The following ABCC1 variants were observed in gnomAD, a reference collection of about 807,000 sequenced individuals.
The protein encoded by ABCC1 is ATP binding cassette subfamily C member 1 (ABCC1 blood group), also known as multidrug resistance-associated protein 1.
A neutral mutation model predicts 172.9 loss-of-function variants in ABCC1; 83 were observed. That is an observed-to-expected ratio of 0.48 (90% CI 0.40 to 0.58). ABCC1 has a LOEUF of 0.58. ABCC1 is among the 20% of genes least tolerant of loss of function. The pLI is 0.00. For synonymous variants in ABCC1, 937 were observed against 825.2 expected, an observed-to-expected ratio of 1.14 and a Z score of -2.32; for missense variants, 1,817 against 2,002.7, an observed-to-expected ratio of 0.91 and a Z score of 1.77.
intron 5 of ABCC1, among the ~76,000 whole-genome samples, chr16:16,021,871 G>A (rs905282316): frequency 6.6e-6 from 1 of 152,184 alleles, no homozygotes; most frequent in Non-Finnish European, 1.5e-5. Context: ...CTTTGGGGAC[G>A]TCAGCAGCCC....
chr16:16,082,127 A>G (rs1002465954), intron 16 of ABCC1, among the ~76,000 whole-genome samples: 2 of 152,128 alleles, frequency 1.3e-5, no homozygotes, highest in African/African-American at 4.8e-5. Context: ...GTTCCCTCAC[A>G]GGATTGATCG....
chr16:16,129,516 C>T (rs1216051525), intron 26 of ABCC1, among the ~76,000 whole-genome samples: 5 of 148,500 alleles, frequency 3.4e-5, no homozygotes, highest in African/African-American at 9.9e-5. Flanking sequence ...TTGTTGTTGG[C>T]GGTGGTGGTG....
intron 21 of ABCC1, among the ~76,000 whole-genome samples, chr16:16,110,162 G>A (rs1057346532): frequency 2.5e-4 from 38 of 151,280 alleles, no homozygotes; most frequent in African/African-American, 9.2e-4. Context: ...CTGGTGTGCA[G>A]TAAGTTTGGC....
At chr16:16,047,865 T>C (rs2049278652) in intron 9 of ABCC1, among the ~76,000 whole-genome samples, 1 of 136,080 alleles carries the variant, frequency 7.3e-6, no homozygotes, top group Non-Finnish European at 1.6e-5. Flanking sequence ...GCCGCATGTG[T>C]GCACATTAAA....
At chr16:16,002,721 A>G (rs2047358989) in intron 1 of ABCC1, among the ~76,000 whole-genome samples, 2 of 150,860 alleles carry the variant, frequency 1.3e-5, no homozygotes, top group Admixed American at 1.3e-4. Context: ...GCAGTGAGCT[A>G]TGATTGCACC....
chr16:16,031,500 G>A (rs1296293209), intron 5 of ABCC1, among the ~76,000 whole-genome samples: 1 of 152,116 alleles, frequency 6.6e-6, no homozygotes, highest in East Asian at 1.9e-4. Context: ...GAATCTCTCA[G>A]TACTTCCCAT....
chr16:16,035,489 C>A (rs1334242574), intron 6 of ABCC1, among the ~76,000 whole-genome samples: 1 of 111,742 alleles, frequency 8.9e-6, no homozygotes, highest in African/African-American at 3.0e-5. Flanking sequence ...TTTCCTTCAG[C>A]CTATTTTTTT....
chr16:16,130,838 C>G (rs1349887622), intron 26 of ABCC1, among the ~76,000 whole-genome samples: 2 of 152,156 alleles, frequency 1.3e-5, no homozygotes, highest in African/African-American at 4.8e-5. Flanking sequence ...AGAACAATGT[C>G]TGTGGCGGGC....
intron 1 of ABCC1, among the ~76,000 whole-genome samples, chr16:15,973,848 G>A (rs1437309286): frequency 1.3e-5 from 2 of 151,882 alleles, no homozygotes. Context: ...AGCCCGGTAT[G>A]ATGGTGCATG....
intron 19 of ABCC1, among the ~76,000 whole-genome samples, chr16:16,096,905 G>T (rs1456075185): frequency 4.7e-5 from 4 of 84,824 alleles, no homozygotes; most frequent in African/African-American, 1.9e-4. Flanking sequence ...TACAAGTTTC[G>T]TGTGTTTGCT....
At chr16:15,984,979 T>TGTGG (rs1486111034) in intron 1 of ABCC1, among the ~76,000 whole-genome samples, 3 of 151,892 alleles carry the variant, frequency 2.0e-5, no homozygotes, top group Non-Finnish European at 2.9e-5. Flanking sequence ...GGCATACACC[T>TGTGG]GTGGTCCCAG....
chr16:16,068,675 C>T (rs767378506), intron 13 of ABCC1, among the ~76,000 whole-genome samples: 4 of 152,046 alleles, frequency 2.6e-5, no homozygotes, highest in African/African-American at 9.7e-5. Flanking sequence ...AGGTCTTGAC[C>T]ACCCACGCTT....
intron 13 of ABCC1, among the ~76,000 whole-genome samples, chr16:16,068,606 A>G (rs973669628): frequency 1.3e-5 from 2 of 152,096 alleles, no homozygotes; most frequent in African/African-American, 4.8e-5. Flanking sequence ...CGCCATTCCT[A>G]TCCTTTTTTT....
intron 1 of ABCC1, among the ~76,000 whole-genome samples, chr16:15,990,909 T>C (rs1253133062): frequency 3.3e-5 from 5 of 150,976 alleles, no homozygotes; most frequent in Non-Finnish European, 5.9e-5. Context: ...GTGATCCGCC[T>C]GCCTTGACCT....
At chr16:16,010,931 G>A (rs1037282363) in intron 3 of ABCC1, among the ~76,000 whole-genome samples, 6 of 152,128 alleles carry the variant, frequency 3.9e-5, no homozygotes, top group Admixed American at 3.9e-4. Context: ...TAGCCCTTGA[G>A]TATTGTAAAA....
intron 1 of ABCC1, among the ~76,000 whole-genome samples, chr16:15,995,793 G>T (rs2047035231): frequency 6.6e-6 from 1 of 151,650 alleles, no homozygotes; most frequent in Non-Finnish European, 1.5e-5. Flanking sequence ...TCAGCCTCTG[G>T]AGTAGCTGGG....
chr16:16,105,060 C>A (rs1213756591), intron 20 of ABCC1, among the ~76,000 whole-genome samples: 1 of 152,216 alleles, frequency 6.6e-6, no homozygotes, highest in African/African-American at 2.4e-5. Flanking sequence ...TTGGCCAGCC[C>A]AGAAAGGGGC....
At chr16:16,089,418 C>T (rs1455562898) in intron 18 of ABCC1, among the ~76,000 whole-genome samples, 2 of 151,854 alleles carry the variant, frequency 1.3e-5, no homozygotes, top group South Asian at 2.1e-4. Context: ...CATGGTGGCA[C>T]GTATCTGTAG....
chr16:16,131,701 A>C (rs1451813007), intron 26 of ABCC1, 88 bp from the exon 27 acceptor site: 1 of 1,490,000 alleles, frequency 6.7e-7, no homozygotes, highest in African/African-American at 1.4e-5. Context: ...CTTGGGCAGC[A>C]GAGTGAGTGA....
Sources: gnomAD v4.1 joint callset for allele counts (sites outside exome capture counted in the v4.1 genomes callset) on GRCh38, gnomAD v4.1.1 for gene constraint, MANE v1.5 for transcripts, NCBI Gene and HGNC (gene_info 2026-07-23, HGNC 2026-07-21) for gene names.